The following PTPRN2 variants were observed in gnomAD, a reference collection of about 807,000 sequenced individuals.
PTPRN2 encodes receptor-type tyrosine-protein phosphatase N2.
In PTPRN2, 74 loss-of-function variants were observed where a neutral mutation model predicts 118.8. The observed-to-expected ratio is 0.62, with a 90% CI of 0.52 to 0.76. The LOEUF (loss-of-function observed/expected upper bound fraction) is 0.76, where lower values mean the gene tolerates loss of function less well. Among genes scored for constraint, PTPRN2 ranks in the 30% least tolerant of loss-of-function variants. PTPRN2 has a pLI of 0.00. For synonymous variants in PTPRN2, 641 were observed against 608.0 expected (o/e 1.05, Z -0.80); for missense variants, 1,481 against 1,394.4 (o/e 1.06, Z -0.99).
At chr7:158,101,648 C>T (rs553803349) in intron 10 of PTPRN2, among the ~76,000 whole-genome samples, 45 of 152,286 alleles carry the variant, frequency 3.0e-4, no homozygotes, top group Middle Eastern at 3.4e-3. Context: ...CCTTCCATTG[C>T]ACCAAAAGAG....
At chr7:158,319,933 ACACACACACACAGCCTCCCT>A (rs1467061397) in intron 2 of PTPRN2, among the ~76,000 whole-genome samples, 1 of 27,656 alleles carries the variant, frequency 3.6e-5, no homozygotes, top group African/African-American at 1.6e-4. Context: ...AGCCTCCCTC[ACACACACACACAGCCTCCCT>A]CACACACACA....
chr7:157,803,001 GTCA>G (rs1805412025), intron 12 of PTPRN2, among the ~76,000 whole-genome samples: 1 of 152,126 alleles, frequency 6.6e-6, no homozygotes, highest in Non-Finnish European at 1.5e-5. Context: ...GTCTTGCTCT[GTCA>G]TCCAGGCTGG....
intron 6 of PTPRN2, among the ~76,000 whole-genome samples, chr7:158,164,288 T>C (rs566373523): frequency 1.4e-5 from 2 of 143,312 alleles, no homozygotes; most frequent in East Asian, 4.1e-4. Context: ...AGCGCGTGCG[T>C]AGGAAGGGCA....
chr7:158,260,659 C>T (rs1367915444), intron 3 of PTPRN2, among the ~76,000 whole-genome samples: 1 of 152,182 alleles, frequency 6.6e-6, no homozygotes, highest in African/African-American at 2.4e-5. Flanking sequence ...CATAACACAC[C>T]CACACACAAA....
intron 4 of PTPRN2, among the ~76,000 whole-genome samples, chr7:158,204,498 T>C (rs1444030612): frequency 1.3e-5 from 2 of 152,244 alleles, no homozygotes; most frequent in African/African-American, 4.8e-5. Context: ...AAAAATGAAC[T>C]TTTCAAACTA....
At chr7:158,299,642 C>G (rs140518573) in intron 3 of PTPRN2, among the ~76,000 whole-genome samples, 3 of 152,270 alleles carry the variant, frequency 2.0e-5, no homozygotes, top group Non-Finnish European at 2.9e-5. Flanking sequence ...GACAGATAGC[C>G]AGGGCCTTCT....
chr7:158,518,927 G>T (rs1823772705), intron 1 of PTPRN2, among the ~76,000 whole-genome samples: 1 of 152,188 alleles, frequency 6.6e-6, no homozygotes. Flanking sequence ...GGAGGTTGCA[G>T]TGAGCTGAGA....
intron 11 of PTPRN2, among the ~76,000 whole-genome samples, chr7:158,034,524 G>A (rs1362236522): frequency 6.6e-6 from 1 of 151,868 alleles, no homozygotes; most frequent in Non-Finnish European, 1.5e-5. Flanking sequence ...GACGGGACTT[G>A]CTCCTCCTTG....
At chr7:157,734,662 T>A (rs999241275) in intron 12 of PTPRN2, among the ~76,000 whole-genome samples, 1 of 152,232 alleles carries the variant, frequency 6.6e-6, no homozygotes, top group Non-Finnish European at 1.5e-5. Context: ...TCTGCTCCCA[T>A]CTTACTGAAG....
chr7:158,213,029 AATT>A (rs1220137008), intron 3 of PTPRN2, among the ~76,000 whole-genome samples: 1 of 152,170 alleles, frequency 6.6e-6, no homozygotes, highest in East Asian at 1.9e-4. Flanking sequence ...TCTCAAGAAT[AATT>A]ATTATGCAAT....
chr7:158,457,271 C>T (rs114073724), intron 2 of PTPRN2, among the ~76,000 whole-genome samples: 1,829 of 152,258 alleles, frequency 0.012, 29 homozygotes, highest in African/African-American at 0.041. Flanking sequence ...TGCATTCCTC[C>T]TAACTCCAAT....
intron 3 of PTPRN2, among the ~76,000 whole-genome samples, chr7:158,271,708 G>T (rs186341902): frequency 6.6e-6 from 1 of 152,302 alleles, no homozygotes. Flanking sequence ...TCACAGTTCT[G>T]GAGATACCCA....
chr7:157,679,281 C>A (rs549743465), intron 13 of PTPRN2, among the ~76,000 whole-genome samples: 1 of 152,218 alleles, frequency 6.6e-6, no homozygotes, highest in South Asian at 2.1e-4. Context: ...AAGTTTGGTG[C>A]GAGTAGTCTG....
At chr7:158,222,320 A>G (rs1247797469) in intron 3 of PTPRN2, among the ~76,000 whole-genome samples, 1 of 152,202 alleles carries the variant, frequency 6.6e-6, no homozygotes, top group Non-Finnish European at 1.5e-5. Context: ...ACATGGAATC[A>G]ACCTAGATAC....
Position 157,578,014 on chromosome 7 carries a change from G to A in PTPRN2, c.2616+7C>T, listed in dbSNP as rs945600751. ...GGTCCTGCCCTGGGTGGCTCTGGTC[G>A]GAGTACCTCATAGATGTGGTAGAGA... On this transcript the variant is annotated splice_region_variant and intron_variant, in intron 18 of 22. Transcript: ENST00000389418. 1 of 1,603,466 alleles carries A rather than the reference G, an allele frequency of 6.2e-7. No individual in the cohort carries two copies. The highest frequency in any genetic ancestry group is 1.7e-5 in the Admixed American group (1 of 59,678).
chr7:158,274,126 G>C, intron 3 of PTPRN2, among the ~76,000 whole-genome samples: 1 of 100,144 alleles, frequency 1.0e-5, no homozygotes, highest in Admixed American at 1.1e-4. Flanking sequence ...GCAGACACGG[G>C]GAGCCGCAGA....
intron 11 of PTPRN2, among the ~76,000 whole-genome samples, chr7:157,981,991 C>T (rs888307493): frequency 2.2e-4 from 32 of 143,500 alleles, no homozygotes; most frequent in African/African-American, 5.8e-4. Flanking sequence ...CCCAGAACCC[C>T]TGAGTCATAG....
intron 2 of PTPRN2, among the ~76,000 whole-genome samples, chr7:158,327,561 C>T (rs115952400): frequency 0.011 from 1,669 of 152,360 alleles, 31 homozygotes; most frequent in African/African-American, 0.038. Context: ...TTCTCACATG[C>T]TCACACATGT....
At chr7:157,722,320 A>G (rs1799284259) in intron 12 of PTPRN2, among the ~76,000 whole-genome samples, 1 of 152,204 alleles carries the variant, frequency 6.6e-6, no homozygotes, top group South Asian at 2.1e-4. Context: ...TGATCCCGCC[A>G]GGGAGGGGAG....
Sources: gnomAD v4.1 joint callset for allele counts (sites outside exome capture counted in the v4.1 genomes callset) on GRCh38, gnomAD v4.1.1 for gene constraint, MANE v1.5 for transcripts, NCBI Gene and HGNC (gene_info 2026-07-23, HGNC 2026-07-21) for gene names.